Variants in PRR16 observed in about 807,000 individuals in gnomAD.
PRR16 encodes protein Largen.
In PRR16, 6 loss-of-function variants were observed where a neutral mutation model predicts 18.2. The observed-to-expected ratio is 0.33, with a 90% CI of 0.18 to 0.65. PRR16 has a LOEUF of 0.65. Ranked by LOEUF, PRR16 falls within the 30% of genes least tolerant of loss-of-function variation. PRR16 has a pLI of 0.74. For missense variants in PRR16, 412 were observed against 376.6 expected, an observed-to-expected ratio of 1.09 and a Z score of -0.78; for synonymous variants, 151 against 147.8, an observed-to-expected ratio of 1.02 and a Z score of -0.16.
chr5:120,753,599 G>T, the PRR16 span, among the ~76,000 whole-genome samples: 9 of 151,364 alleles, frequency 5.9e-5, no homozygotes, highest in South Asian at 1.9e-3. Context: ...TGTGAGAATG[G>T]TGACAATGGT....
intron 1 of PRR16, among the ~76,000 whole-genome samples, chr5:120,552,284 C>G (rs578245823): frequency 6.6e-6 from 1 of 151,948 alleles, no homozygotes; most frequent in East Asian, 1.9e-4. Flanking sequence ...TATATTGCCT[C>G]CAGTGATTGC....
the PRR16 span, among the ~76,000 whole-genome samples, chr5:120,788,371 T>G: frequency 2.0e-5 from 3 of 152,136 alleles, no homozygotes; most frequent in Non-Finnish European, 4.4e-5. Flanking sequence ...CCGTTAAAAC[T>G]ATAATTGGCA....
At chr5:120,622,906 A>C (rs370562945) in intron 1 of PRR16, among the ~76,000 whole-genome samples, 7 of 152,316 alleles carry the variant, frequency 4.6e-5, no homozygotes, top group Admixed American at 2.6e-4. Flanking sequence ...ACTAAATGTT[A>C]GCACTTTGAA....
At chr5:120,523,721 A>G (rs1277008044) in intron 1 of PRR16, among the ~76,000 whole-genome samples, 1 of 152,178 alleles carries the variant, frequency 6.6e-6, no homozygotes, top group Non-Finnish European at 1.5e-5. Flanking sequence ...TTAAATTAAT[A>G]CAACATCTTT....
intron 1 of PRR16, among the ~76,000 whole-genome samples, chr5:120,512,992 T>A (rs1025089715): frequency 1.1e-4 from 16 of 152,242 alleles, no homozygotes; most frequent in Admixed American, 9.8e-4. Flanking sequence ...GGTGCCACCT[T>A]TTTCTAGACT....
intron 1 of PRR16, among the ~76,000 whole-genome samples, chr5:120,671,979 T>C (rs934660408): frequency 2.2e-4 from 34 of 152,216 alleles, no homozygotes; most frequent in African/African-American, 8.0e-4. Flanking sequence ...TCTTGTATGT[T>C]TATTGTTCAT....
At chr5:120,542,094 T>TTG (rs1751934800) in intron 1 of PRR16, among the ~76,000 whole-genome samples, 1 of 152,102 alleles carries the variant, frequency 6.6e-6, no homozygotes, top group African/African-American at 2.4e-5. Context: ...GAAACTATTT[T>TTG]TGTGTGTGTG....
At chr5:120,718,262 A>G in the PRR16 span, among the ~76,000 whole-genome samples, 1 of 152,162 alleles carries the variant, frequency 6.6e-6, no homozygotes, top group African/African-American at 2.4e-5. Flanking sequence ...TATGTCATAT[A>G]GGACACCTCT....
intron 1 of PRR16, among the ~76,000 whole-genome samples, chr5:120,559,130 G>A (rs1370649134): frequency 6.6e-6 from 1 of 151,848 alleles, no homozygotes; most frequent in African/African-American, 2.4e-5. Context: ...TTGCAGTGCA[G>A]TGATTGTTTC....
chr5:120,699,689 A>T, the PRR16 span, among the ~76,000 whole-genome samples: 2 of 152,156 alleles, frequency 1.3e-5, no homozygotes, highest in Non-Finnish European at 2.9e-5. Flanking sequence ...CGCAGACATG[A>T]GGGCTAGGCT....
intron 1 of PRR16, among the ~76,000 whole-genome samples, chr5:120,552,164 A>G (rs1377137716): frequency 6.6e-6 from 1 of 151,888 alleles, no homozygotes; most frequent in African/African-American, 2.4e-5. Flanking sequence ...TGAAGTTCAT[A>G]CTGAGTCAAG....
chr5:120,579,958 AG>A (rs1469454976), intron 1 of PRR16, among the ~76,000 whole-genome samples: 1 of 152,048 alleles, frequency 6.6e-6, no homozygotes, highest in African/African-American at 2.4e-5. Flanking sequence ...TTCCCTTGTT[AG>A]GTGTATTCCT....
chr5:120,493,738 T>G (rs1011871369), intron 1 of PRR16, among the ~76,000 whole-genome samples: 1 of 152,254 alleles, frequency 6.6e-6, no homozygotes, highest in Admixed American at 6.5e-5. Context: ...GTTTTCCATT[T>G]CTATAATTTA....
chr5:120,625,283 C>T (rs145122752), intron 1 of PRR16, among the ~76,000 whole-genome samples: 3 of 152,148 alleles, frequency 2.0e-5, no homozygotes, highest in African/African-American at 7.2e-5. Flanking sequence ...GAGTTTCTTC[C>T]CCACCAATGA....
At chr5:120,708,015 A>T in the PRR16 span, among the ~76,000 whole-genome samples, 1 of 152,134 alleles carries the variant, frequency 6.6e-6, no homozygotes, top group South Asian at 2.1e-4. Context: ...CAAAAGTATA[A>T]TTTTCTCTGT....
intron 1 of PRR16, among the ~76,000 whole-genome samples, chr5:120,646,048 T>TTTTATATATATATATATA (rs748781292): frequency 1.9e-5 from 2 of 104,996 alleles, no homozygotes; most frequent in East Asian, 3.9e-4. Flanking sequence ...AATACATATT[T>TTTTATATATATATATATA]TATATATATA....
chr5:120,519,177 C>T (rs1751093360), intron 1 of PRR16, among the ~76,000 whole-genome samples: 1 of 151,982 alleles, frequency 6.6e-6, no homozygotes, highest in African/African-American at 2.4e-5. Flanking sequence ...ACATGAAAGA[C>T]AGCAGGTATG....
At chr5:120,614,792 A>C (rs1215773418) in intron 1 of PRR16, among the ~76,000 whole-genome samples, 3 of 152,236 alleles carry the variant, frequency 2.0e-5, no homozygotes, top group Admixed American at 6.5e-5. Flanking sequence ...TGGAAAAAGT[A>C]GTGGCAATTA....
chr5:120,477,935 A>C (rs925436410), intron 1 of PRR16, among the ~76,000 whole-genome samples: 1 of 152,128 alleles, frequency 6.6e-6, no homozygotes, highest in Non-Finnish European at 1.5e-5. Context: ...AGGCAACTCC[A>C]CATGTTGCTG....
Sources: allele counts gnomAD v4.1 joint callset (sites outside exome capture counted in the v4.1 genomes callset), GRCh38; gene constraint gnomAD v4.1.1; transcripts MANE v1.5; gene names NCBI Gene and HGNC (gene_info 2026-07-23, HGNC 2026-07-21).